The following ZBTB7C variants were observed in gnomAD, a reference collection of about 807,000 sequenced individuals.
The protein encoded by ZBTB7C is zinc finger and BTB domain containing 7C.
Under a neutral mutation model 25.7 loss-of-function variants are expected in ZBTB7C, and 8 were observed. The observed-to-expected ratio is 0.31, with a 90% CI of 0.18 to 0.56. ZBTB7C has a LOEUF of 0.56. Ranked by LOEUF, ZBTB7C falls within the 20% of genes least tolerant of loss-of-function variation. The probability of loss-of-function intolerance (pLI) is 0.91; values close to 1 mark genes in which losing one functional copy is unlikely to be tolerated. For missense variants in ZBTB7C, 824 were observed against 855.2 expected (o/e 0.96, Z 0.46); for synonymous variants, 394 against 369.0 (o/e 1.07, Z -0.78).
At chr18:48,309,183 T>A (rs554688624) in intron 2 of ZBTB7C, among the ~76,000 whole-genome samples, 2 of 152,192 alleles carry the variant, frequency 1.3e-5, no homozygotes, top group South Asian at 2.1e-4. Flanking sequence ...AGGGCCAGAG[T>A]CCTGGAGATC....
intron 3 of ZBTB7C, among the ~76,000 whole-genome samples, chr18:48,154,814 G>C (rs1193019392): frequency 6.6e-6 from 1 of 152,158 alleles, no homozygotes; most frequent in Non-Finnish European, 1.5e-5. Flanking sequence ...GCTGGCATCT[G>C]TGTCCTCTGA....
intron 2 of ZBTB7C, among the ~76,000 whole-genome samples, chr18:48,231,795 C>T (rs1375446790): frequency 1.3e-5 from 2 of 152,338 alleles, no homozygotes; most frequent in East Asian, 3.9e-4. Flanking sequence ...CAAGGAGCTC[C>T]CTGAGCCAGG....
At position 48,200,689 on chromosome 18, in the gene ZBTB7C, A is replaced by G. The variant is rs1599089476; in HGVS notation, c.-78-14694T>C. Among the ~76,000 whole-genome samples, 3 of 152,144 alleles carry G rather than the reference A, an allele frequency of 2.0e-5. No individual in the cohort carries two copies. The South Asian group carries it at 6.2e-4, about 32-fold the overall frequency. On this transcript the variant is annotated intron_variant, in intron 2 of 4. Coordinates refer to ENST00000590800, the MANE Select transcript of ZBTB7C (RefSeq NM_001318841.2). ...CTCAGATAAACCACAGGCACCCTGC[A>G]CCTCCACAGAAGCACGGTGCAGGGC...
intron 2 of ZBTB7C, among the ~76,000 whole-genome samples, chr18:48,223,358 C>G (rs979617243): frequency 3.3e-5 from 5 of 152,152 alleles, no homozygotes; most frequent in African/African-American, 4.8e-5. Flanking sequence ...GAAACATATC[C>G]TGGAAACCTG....
At chr18:48,157,812 TA>T (rs1177722947) in intron 3 of ZBTB7C, among the ~76,000 whole-genome samples, 1 of 152,102 alleles carries the variant, frequency 6.6e-6, no homozygotes, top group African/African-American at 2.4e-5. Context: ...CATGCTAAAA[TA>T]AACACATCAA....
intron 1 of ZBTB7C, among the ~76,000 whole-genome samples, chr18:48,345,508 G>A (rs8090729): frequency 1.3e-5 from 2 of 151,946 alleles, no homozygotes; most frequent in East Asian, 3.9e-4. Context: ...GGTGCCCTGC[G>A]CACTTCTGTT....
chr18:48,138,617 G>C (rs2040246596), intron 3 of ZBTB7C, among the ~76,000 whole-genome samples: 2 of 152,182 alleles, frequency 1.3e-5, no homozygotes, highest in African/African-American at 2.4e-5. Flanking sequence ...TGCTAGGTCA[G>C]GGAATTGGGT....
chr18:48,225,701 C>T (rs1010876733), intron 2 of ZBTB7C, among the ~76,000 whole-genome samples: 1 of 152,140 alleles, frequency 6.6e-6, no homozygotes, highest in African/African-American at 2.4e-5. Context: ...CTTGAAACTT[C>T]TGTCCTCTCC....
At chr18:48,310,146 C>T (rs1023476831) in intron 2 of ZBTB7C, among the ~76,000 whole-genome samples, 1 of 151,742 alleles carries the variant, frequency 6.6e-6, no homozygotes, top group Non-Finnish European at 1.5e-5. Flanking sequence ...AGGAGAATGG[C>T]GTGAACCCAG....
intron 2 of ZBTB7C, among the ~76,000 whole-genome samples, chr18:48,267,675 G>T (rs567689134): frequency 6.6e-6 from 1 of 152,304 alleles, no homozygotes; most frequent in East Asian, 1.9e-4. Context: ...TTAGAAGGTG[G>T]TGGAGCCTTT....
intron 4 of ZBTB7C, among the ~76,000 whole-genome samples, chr18:48,031,361 A>T (rs2035738492): frequency 6.6e-6 from 1 of 152,090 alleles, no homozygotes; most frequent in Non-Finnish European, 1.5e-5. Flanking sequence ...AGTGAGGAGA[A>T]GGGAAGTGGG....
intron 4 of ZBTB7C, among the ~76,000 whole-genome samples, chr18:48,031,591 C>G (rs1291265240): frequency 6.6e-6 from 1 of 152,196 alleles, no homozygotes; most frequent in Admixed American, 6.5e-5. Context: ...GCATTCGAAC[C>G]ATAATCAGGA....
intron 2 of ZBTB7C, among the ~76,000 whole-genome samples, chr18:48,213,019 G>A (rs901129716): frequency 4.6e-5 from 7 of 152,058 alleles, no homozygotes; most frequent in East Asian, 3.8e-4. Context: ...TCCTCCAGCC[G>A]GAGACCGGCG....
chr18:48,336,132 G>A (rs575521965), intron 2 of ZBTB7C, among the ~76,000 whole-genome samples: 1 of 152,256 alleles, frequency 6.6e-6, no homozygotes, highest in South Asian at 2.1e-4. Context: ...CTTTCTGTGT[G>A]CCCAGCAACT....
At chr18:48,119,691 G>A (rs1351292711) in intron 3 of ZBTB7C, among the ~76,000 whole-genome samples, 1 of 152,204 alleles carries the variant, frequency 6.6e-6, no homozygotes, top group African/African-American at 2.4e-5. Flanking sequence ...GCTTGCTTAG[G>A]TCCATCCTGG....
chr18:48,272,269 G>T (rs926778678), intron 2 of ZBTB7C, among the ~76,000 whole-genome samples: 1 of 152,210 alleles, frequency 6.6e-6, no homozygotes, highest in Non-Finnish European at 1.5e-5. Context: ...ACAAAAGGGT[G>T]CAGGAAGGGT....
intron 3 of ZBTB7C, among the ~76,000 whole-genome samples, chr18:48,161,861 C>G (rs893529135): frequency 1.3e-5 from 2 of 151,962 alleles, no homozygotes; most frequent in Non-Finnish European, 2.9e-5. Context: ...CGCCCCTCCC[C>G]GCGGCCGCAG....
intron 2 of ZBTB7C, among the ~76,000 whole-genome samples, chr18:48,256,930 TA>T (rs1431666347): frequency 1.3e-5 from 2 of 151,572 alleles, no homozygotes; most frequent in Admixed American, 6.6e-5. Flanking sequence ...AAGGAAGGCA[TA>T]AAAAGAGGAA....
intron 3 of ZBTB7C, among the ~76,000 whole-genome samples, chr18:48,131,568 C>A (rs910431649): frequency 6.6e-6 from 1 of 151,978 alleles, no homozygotes; most frequent in Admixed American, 6.6e-5. Flanking sequence ...TGTTAGTTAT[C>A]CTATTCAGTC....
Sources: allele counts gnomAD v4.1 joint callset (sites outside exome capture counted in the v4.1 genomes callset), GRCh38; gene constraint gnomAD v4.1.1; transcripts MANE v1.5; gene names NCBI Gene and HGNC (gene_info 2026-07-23, HGNC 2026-07-21).